The following SSBP2 variants were observed in gnomAD, a reference collection of about 807,000 sequenced individuals.
SSBP2 encodes the protein single stranded DNA binding protein 2.
In SSBP2, 17 loss-of-function variants were observed where a neutral mutation model predicts 61.8. The observed-to-expected ratio is 0.28, with a 90% CI of 0.19 to 0.41. The LOEUF is 0.41. SSBP2 is among the 10% of genes least tolerant of loss of function. SSBP2 has a pLI of 1.00. For missense variants in SSBP2, 310 were observed against 458.7 expected, an observed-to-expected ratio of 0.68 and a Z score of 2.96; for synonymous variants, 139 against 141.3, an observed-to-expected ratio of 0.98 and a Z score of 0.12.
intron 4 of SSBP2, among the ~76,000 whole-genome samples, chr5:81,516,406 A>G (rs1027258935): frequency 1.3e-5 from 2 of 152,114 alleles, no homozygotes; most frequent in African/African-American, 4.8e-5. Context: ...CTGATGTGAT[A>G]GTAACTTCTA....
At chr5:81,664,237 T>C (rs1561668664) in intron 1 of SSBP2, among the ~76,000 whole-genome samples, 1 of 151,822 alleles carries the variant, frequency 6.6e-6, no homozygotes, top group East Asian at 1.9e-4. Context: ...ATTCTCATGC[T>C]TCAGCCTCCC....
At chr5:81,540,229 A>G (rs1273729155) in intron 4 of SSBP2, among the ~76,000 whole-genome samples, 1 of 152,208 alleles carries the variant, frequency 6.6e-6, no homozygotes, top group African/African-American at 2.4e-5. Context: ...TTATAGCAGC[A>G]TGATTTACAA....
intron 6 of SSBP2, among the ~76,000 whole-genome samples, chr5:81,484,605 T>C (rs1766246759): frequency 3.3e-5 from 5 of 152,046 alleles, no homozygotes; most frequent in Admixed American, 3.3e-4. Context: ...CTCCCAATAA[T>C]AGAAAGGGGT....
chr5:81,691,203 G>A (rs1460510942), intron 1 of SSBP2, among the ~76,000 whole-genome samples: 1 of 151,670 alleles, frequency 6.6e-6, no homozygotes, highest in African/African-American at 2.4e-5. Flanking sequence ...TTAGTAGAAG[G>A]AAAGAAATAA....
chr5:81,695,030 A>T (rs1330566028), intron 1 of SSBP2, among the ~76,000 whole-genome samples: 1 of 152,160 alleles, frequency 6.6e-6, no homozygotes, highest in African/African-American at 2.4e-5. Context: ...AACTCAAATA[A>T]CCAGGTCTAA....
chr5:81,487,586 C>T (rs1389103957), intron 6 of SSBP2, among the ~76,000 whole-genome samples: 2 of 151,556 alleles, frequency 1.3e-5, no homozygotes, highest in Non-Finnish European at 2.9e-5. Flanking sequence ...AATTTTATTG[C>T]TATTCTTTTT....
chr5:81,513,833 G>A, intron 4 of SSBP2, 116 bp from the exon 5 acceptor site: 2 of 599,308 alleles, frequency 3.3e-6, no homozygotes, highest in South Asian at 2.1e-5. Flanking sequence ...AACAAATACT[G>A]GTAATTTTCC....
At chr5:81,698,246 T>G (rs1289749786) in intron 1 of SSBP2, among the ~76,000 whole-genome samples, 5 of 152,242 alleles carry the variant, frequency 3.3e-5, no homozygotes, top group Non-Finnish European at 7.3e-5. Context: ...TCTTCTACAT[T>G]ATGTGTAAAC....
intron 1 of SSBP2, among the ~76,000 whole-genome samples, chr5:81,718,509 C>G (rs1481401735): frequency 2.6e-5 from 4 of 151,902 alleles, no homozygotes; most frequent in Non-Finnish European, 4.4e-5. Context: ...GTCAAGCTGC[C>G]GAGGTGGGAA....
At chr5:81,593,018 A>C (rs1743249267) in intron 4 of SSBP2, among the ~76,000 whole-genome samples, 1 of 152,216 alleles carries the variant, frequency 6.6e-6, no homozygotes, top group African/African-American at 2.4e-5. Context: ...TGAGAGAAGA[A>C]GGCTTCAGAC....
At chr5:81,647,217 T>G (rs1749348442) in intron 2 of SSBP2, among the ~76,000 whole-genome samples, 1 of 152,154 alleles carries the variant, frequency 6.6e-6, no homozygotes, top group East Asian at 1.9e-4. Flanking sequence ...AAAATCCCTT[T>G]GAACCCTTTA....
At chr5:81,742,988 C>T (rs1302018209) in intron 1 of SSBP2, among the ~76,000 whole-genome samples, 8 of 152,102 alleles carry the variant, frequency 5.3e-5, no homozygotes, top group Admixed American at 2.6e-4. Context: ...GAAATAATTA[C>T]GCCAATTGTA....
chr5:81,714,886 G>C (rs1003109748), intron 1 of SSBP2, among the ~76,000 whole-genome samples: 2 of 152,052 alleles, frequency 1.3e-5, no homozygotes, highest in African/African-American at 4.8e-5. Context: ...TTGACAAATG[G>C]GATCTAATCA....
intron 5 of SSBP2, among the ~76,000 whole-genome samples, chr5:81,508,411 CTTTAT>C (rs1283427066): frequency 1.3e-5 from 2 of 152,208 alleles, no homozygotes; most frequent in Middle Eastern, 3.4e-3. Flanking sequence ...CTTTAAATGG[CTTTAT>C]TTTATTAAAT....
At chr5:81,688,776 T>C (rs906601825) in intron 1 of SSBP2, among the ~76,000 whole-genome samples, 2 of 152,074 alleles carry the variant, frequency 1.3e-5, no homozygotes, top group African/African-American at 2.4e-5. Context: ...AAGCCCAAAT[T>C]GCAAAGATTA....
chr5:81,704,448 T>C (rs1754216119), intron 1 of SSBP2, among the ~76,000 whole-genome samples: 1 of 152,034 alleles, frequency 6.6e-6, no homozygotes, highest in South Asian at 2.1e-4. Context: ...CTCGCACACA[T>C]ATATACACAT....
chr5:81,551,100 A>G (rs79032259), intron 4 of SSBP2, among the ~76,000 whole-genome samples: 1 of 150,908 alleles, frequency 6.6e-6, no homozygotes, highest in Non-Finnish European at 1.5e-5. Flanking sequence ...CATCTCGAAA[A>G]AAAAAAAAAA....
At position 81,501,268 on chromosome 5, in the gene SSBP2, T is replaced by TATACATAC. The variant is rs1205403428; in HGVS notation, c.373-11960_373-11959insGTATGTAT. ...ATATATATATATATATATATATATA[T>TATACATAC]ACACACACACACACATGCACATACA... is the stretch of plus-strand genomic sequence containing the variant. On this transcript the variant is annotated intron_variant, in intron 5 of 16. Transcript: ENST00000320672. Among the ~76,000 whole-genome samples the TATACATAC allele has an allele frequency of 5.9e-4, 21 of 35,776 alleles. 1 individual carries two copies. Among genetic ancestry groups the TATACATAC allele is most frequent in the South Asian group, 1.6e-3 (2 of 1,246 alleles). The allele number at this position is 35,776 out of a possible 152,430, so 23.5% of individuals were successfully genotyped here.
At chr5:81,446,373 T>A (rs746763650) in intron 12 of SSBP2, among the ~76,000 whole-genome samples, 2 of 152,178 alleles carry the variant, frequency 1.3e-5, no homozygotes, top group Non-Finnish European at 2.9e-5. Flanking sequence ...AAAACTTTTA[T>A]TATTACATAG....
Sources: gnomAD v4.1 joint callset for allele counts (sites outside exome capture counted in the v4.1 genomes callset) on GRCh38, gnomAD v4.1.1 for gene constraint, MANE v1.5 for transcripts, NCBI Gene and HGNC (gene_info 2026-07-23, HGNC 2026-07-21) for gene names.